GSG1L2: variants seen among roughly 807,000 people sequenced by gnomAD.
The protein encoded by GSG1L2 is GSG1 like 2.
Under a neutral mutation model 9.0 loss-of-function variants are expected in GSG1L2, and 15 were observed. The ratio of observed to expected loss-of-function variants is 1.67; its 90% CI spans 1.12 to 2.57. The LOEUF (loss-of-function observed/expected upper bound fraction) is 2.57, where lower values mean the gene tolerates loss of function less well. GSG1L2 is among the 30% of genes most tolerant of loss of function. The probability of loss-of-function intolerance (pLI) is 0.00; values close to 1 mark genes in which losing one functional copy is unlikely to be tolerated. For synonymous variants in GSG1L2, 127 were observed against 57.9 expected, an observed-to-expected ratio of 2.19 and a Z score of -5.41; for missense variants, 286 against 150.3, an observed-to-expected ratio of 1.90 and a Z score of -4.72.
In GSG1L2 at chr17:9,801,310, C is replaced by G. The variant is rs2066495838; in HGVS notation, c.*1076G>C. ...GCAACCTCCACCTCCCAGGTTCAAG[C>G]GATTTCCCTGCCTCAGCCTCCTGAG... On this transcript the variant is annotated 3_prime_UTR_variant, in exon 5 of 5. Transcript: ENST00000399363. Among the ~76,000 whole-genome samples, 1 of 151,922 alleles carries G rather than the reference C, an allele frequency of 6.6e-6. No homozygotes were observed. The highest frequency in any genetic ancestry group is 1.5e-5 in the Non-Finnish European group (1 of 67,968).
chr17:9,808,999 T>C lies in GSG1L2; in HGVS notation c.359-17A>G, dbSNP rs1180313531. 2.8e-6 allele frequency: 2 copies of C among 702,844 alleles called. No homozygotes were observed. Among genetic ancestry groups the C allele is most frequent in the Non-Finnish European group, 5.2e-6 (2 of 384,928 alleles). 43.5% of individuals were successfully genotyped at this position (702,844 alleles called of 1,614,324 possible). A position where few individuals can be genotyped will look rare whatever the true frequency, so the allele number is the denominator to read the frequency against. ...ACAAAACACCTGCCAAAGAACGGGA[T>C]GTTGGAAACGCTGGACACTTCTAAT... On this transcript the variant is annotated splice_polypyrimidine_tract_variant and intron_variant, in intron 2 of 4. Transcript: ENST00000399363.
At chr17:9,807,292 A>G (rs1028028740) in intron 4 of GSG1L2, among the ~76,000 whole-genome samples, 198 bp downstream of exon 4, 6 of 152,230 alleles carry the variant, frequency 3.9e-5, no homozygotes, top group Non-Finnish European at 5.9e-5. Flanking sequence ...AAATCCCTAT[A>G]CAAACATTTG....
At chr17:9,810,718 T>C (rs1169423796) in intron 1 of GSG1L2, 100 bp from the exon 2 acceptor site, 1 of 687,466 alleles carries the variant, frequency 1.5e-6, no homozygotes, top group African/African-American at 1.8e-5. Flanking sequence ...GAATGGGGAG[T>C]GTGCAGACTG....
Position 9,807,335 on chromosome 17 carries a change from T to C in GSG1L2, c.623+155A>G. 9.9e-6 allele frequency: 6 copies of C among 606,096 alleles called. No individual in the cohort carries two copies. The South Asian group carries it at 1.2e-4, about 12-fold the overall frequency. The allele number at this position is 606,096 out of a possible 1,614,324, so 37.5% of individuals were successfully genotyped here. Reference sequence around the variant, plus strand: ...TATCCTCACTTTATCGATGAGGGAATTGGGCTACAGATGGGTCACAGAATT... The same window carrying C: ...TATCCTCACTTTATCGATGAGGGAACTGGGCTACAGATGGGTCACAGAATT... On this transcript the variant is annotated intron_variant, in intron 4 of 4. Coordinates refer to ENST00000399363, the MANE Select transcript of GSG1L2 (RefSeq NM_001310219.2).
At chr17:9,803,102 T>C (rs911173025) in intron 4 of GSG1L2, among the ~76,000 whole-genome samples, 2 of 12,872 alleles carry the variant, frequency 1.6e-4, no homozygotes, top group South Asian at 1.8e-3. Flanking sequence ...TGTCATTACT[T>C]TTTTTTTTTT....
At chr17:9,810,541 T>C (rs1271919233) in intron 2 of GSG1L2, 30 bp downstream of exon 2, 1 of 702,888 alleles carries the variant, frequency 1.4e-6, no homozygotes, top group African/African-American at 1.7e-5. Context: ...TGAGGAGTGC[T>C]AGTGGGCAGA....
chr17:9,816,868 GTCTGTGTGTGTATC>G (rs2066568359), intron 1 of GSG1L2, among the ~76,000 whole-genome samples: 3 of 143,332 alleles, frequency 2.1e-5, no homozygotes, highest in African/African-American at 8.5e-5. Context: ...GTATGTGTGT[GTCTGTGTGTGTATC>G]TGTGTGTGTG....
chr17:9,815,051 G>A (rs1233610496), intron 1 of GSG1L2, among the ~76,000 whole-genome samples: 1 of 152,198 alleles, frequency 6.6e-6, no homozygotes, highest in Non-Finnish European at 1.5e-5. Flanking sequence ...GGGAGAAAGG[G>A]TAGAGTTCTT....
chr17:9,807,697 C>T, intron 3 of GSG1L2, 96 bp from the exon 4 acceptor site: 1 of 684,022 alleles, frequency 1.5e-6, no homozygotes, highest in South Asian at 1.5e-5. Flanking sequence ...CTCTAGCATT[C>T]ATAAAGTCCT....
At chr17:9,808,745 C>T in intron 3 of GSG1L2, 85 bp downstream of exon 3, 2 of 656,638 alleles carry the variant, frequency 3.0e-6, no homozygotes, top group Non-Finnish European at 5.6e-6. Context: ...AAGAGCCAGC[C>T]TGTTCTTTGG....
rs375817312 is a variant in GSG1L2 at position 9,818,436 on chromosome 17, C to T, written c.310+3326G>A. On this transcript the variant is annotated intron_variant, in intron 1 of 4. Coordinates refer to ENST00000399363, the MANE Select transcript of GSG1L2 (RefSeq NM_001310219.2). ...GCAACCTCCGCCTCCTGGGTTCTAGCGATTCTCCTGCCTCAGCCTTCCAAG... is the reference window on the plus strand; with the variant it reads ...GCAACCTCCGCCTCCTGGGTTCTAGTGATTCTCCTGCCTCAGCCTTCCAAG... 7.2e-4 allele frequency among the ~76,000 whole-genome samples: 108 copies of T among 150,222 alleles called. 1 individual carries two copies. Among genetic ancestry groups the T allele is most frequent in the Admixed American group, 2.1e-3 (31 of 14,908 alleles).
chr17:9,812,071 A>C (rs1368369115), intron 1 of GSG1L2, among the ~76,000 whole-genome samples: 1 of 152,246 alleles, frequency 6.6e-6, no homozygotes, highest in Admixed American at 6.5e-5. Context: ...CGAAACTTCT[A>C]TCACAGTTCA....
intron 4 of GSG1L2, chr17:9,805,772 A>C (rs1289912314): frequency 6.6e-6 from 1 of 152,206 alleles, no homozygotes; most frequent in Non-Finnish European, 1.5e-5. Context: ...GGGGGTTTGG[A>C]AGTAAAACTG....
chr17:9,815,140 C>A lies in GSG1L2; in HGVS notation c.311-4522G>T, dbSNP rs185946033. Among the ~76,000 whole-genome samples the A allele has an allele frequency of 2.7e-3, 410 of 152,260 alleles. 1 individual carries two copies. Among genetic ancestry groups the A allele is most frequent in the Non-Finnish European group, 4.7e-3 (322 of 68,024 alleles). Reference sequence around the variant, plus strand: ...CGGTGGCTCACGCCTGTAATCCCAGCATTTTGGGAGGCCGAGGCGGGCGGA... The same window carrying A: ...CGGTGGCTCACGCCTGTAATCCCAGAATTTTGGGAGGCCGAGGCGGGCGGA... On this transcript the variant is annotated intron_variant, in intron 1 of 4. Transcript: ENST00000399363.
At position 9,816,639 on chromosome 17, in the gene GSG1L2, G is replaced by A. The variant is rs377736324; in HGVS notation, c.310+5123C>T. On this transcript the variant is annotated intron_variant, in intron 1 of 4. Coordinates refer to ENST00000399363, the MANE Select transcript of GSG1L2 (RefSeq NM_001310219.2). Reference sequence around the variant, plus strand: ...GTGTGTCTGTTTTGCATGTCTGTGTGCGTGTCTGTGTGTGTCTGTGTGTGC... The same window carrying A: ...GTGTGTCTGTTTTGCATGTCTGTGTACGTGTCTGTGTGTGTCTGTGTGTGC... Among the ~76,000 whole-genome samples the A allele has an allele frequency of 5.4e-3, 774 of 142,682 alleles. 7 individuals are homozygous for A. The highest frequency in any genetic ancestry group is 0.018 in the African/African-American group (703 of 38,350). 93.6% of individuals were successfully genotyped at this position (142,682 alleles called of 152,430 possible).
In GSG1L2 at chr17:9,810,619, C is replaced by A. The variant is rs2066535434; in HGVS notation, c.311-1G>T. The A allele has an allele frequency of 1.4e-6, 1 of 702,892 alleles. No individual in the cohort carries two copies. The highest frequency in any genetic ancestry group is 2.6e-6 in the Non-Finnish European group (1 of 385,012). The allele number at this position is 702,892 out of a possible 1,614,324, so 43.5% of individuals were successfully genotyped here. A position where few individuals can be genotyped will look rare whatever the true frequency, so the allele number is the denominator to read the frequency against. On this transcript the variant is annotated splice_acceptor_variant, in intron 1 of 4. Transcript: ENST00000399363. LOFTEE classifies it high-confidence loss of function. ...CTCCGGAAACTCCTACACTTTTCAT[C>A]TGAAAGATAAAGAGAATGCATCCAG... is the stretch of plus-strand genomic sequence containing the variant.
At chr17:9,809,220 A>C in intron 2 of GSG1L2, 2 of 494,566 alleles carry the variant, frequency 4.0e-6, no homozygotes, top group Admixed American at 6.5e-5. Flanking sequence ...GGGGCGGGGA[A>C]ACTAAGCAAA....
At position 9,807,476 on chromosome 17, in the gene GSG1L2, A is replaced by T. The variant is rs1329334450; in HGVS notation, c.623+14T>A. ...GATCCTCCAGGACTTCAGCACCATG[A>T]CCAAGCAACTTACCAATATGACCAG... On this transcript the variant is annotated intron_variant, in intron 4 of 4. Coordinates refer to ENST00000399363, the MANE Select transcript of GSG1L2 (RefSeq NM_001310219.2). 3 of 702,634 alleles carry T rather than the reference A, an allele frequency of 4.3e-6. No homozygotes were observed. Among genetic ancestry groups the T allele is most frequent in the Non-Finnish European group, 5.2e-6 (2 of 384,840 alleles). The allele number at this position is 702,634 out of a possible 1,614,324, so 43.5% of individuals were successfully genotyped here.
chr17:9,812,722 G>T (rs558565157), intron 1 of GSG1L2, among the ~76,000 whole-genome samples: 2 of 152,252 alleles, frequency 1.3e-5, no homozygotes, highest in South Asian at 4.1e-4. Context: ...CTGGGCTCAA[G>T]TGATCCTCCC....
Sources: allele counts gnomAD v4.1 joint callset (sites outside exome capture counted in the v4.1 genomes callset), GRCh38; gene constraint gnomAD v4.1.1; transcripts MANE v1.5; gene names NCBI Gene and HGNC (gene_info 2026-07-23, HGNC 2026-07-21).